MARCHF6: variants seen among roughly 807,000 people sequenced by gnomAD.
The protein encoded by MARCHF6 is membrane associated ring-CH-type finger 6, also known as E3 ubiquitin-protein ligase MARCHF6.
In MARCHF6, 31 loss-of-function variants were observed where a neutral mutation model predicts 133.7. The observed-to-expected ratio is 0.23, with a 90% CI of 0.17 to 0.31. MARCHF6 has a LOEUF of 0.31. Ranked by LOEUF, MARCHF6 falls within the 10% of genes least tolerant of loss-of-function variation. The probability of loss-of-function intolerance (pLI) is 1.00; values close to 1 mark genes in which losing one functional copy is unlikely to be tolerated. For synonymous variants in MARCHF6, 395 were observed against 402.5 expected (o/e 0.98, Z 0.22); for missense variants, 723 against 1,121.6 (o/e 0.64, Z 5.08).
At chr5:10,414,387 G>A (rs773854275) in intron 19 of MARCHF6, 46 bp from the exon 20 acceptor site, 7 of 1,031,334 alleles carry the variant, frequency 6.8e-6, no homozygotes, top group South Asian at 1.4e-5. Context: ...AAAATACATT[G>A]AGCACGTGTT....
chr5:10,362,000 T>G (rs1429136243), intron 1 of MARCHF6, among the ~76,000 whole-genome samples: 1 of 152,130 alleles, frequency 6.6e-6, no homozygotes, highest in East Asian at 1.9e-4. Flanking sequence ...TGACCTCAGG[T>G]GATCCGCCCA....
chr5:10,439,002 G>A lies in MARCHF6; in HGVS notation c.*5318G>A, dbSNP rs1464860311. 1.3e-5 allele frequency: 2 copies of A among 152,036 alleles called. No individual in the cohort carries two copies. The highest frequency in any genetic ancestry group is 2.1e-4 in the South Asian group (1 of 4,826). 9.4% of individuals were successfully genotyped at this position (152,036 alleles called of 1,614,324 possible). ...TTTTCTTCACATATGTAACAGTGCC[G>A]GAGTTTTTCTGCTTCTCTGTGTTTG... is the stretch of plus-strand genomic sequence containing the variant. On this transcript the variant is annotated 3_prime_UTR_variant, in exon 26 of 26. Coordinates refer to ENST00000274140, the MANE Select transcript of MARCHF6 (RefSeq NM_005885.4).
At chr5:10,410,091 T>C in intron 17 of MARCHF6, 48 bp from the exon 18 acceptor site, 3 of 1,588,628 alleles carry the variant, frequency 1.9e-6, no homozygotes, top group Non-Finnish European at 2.6e-6. Context: ...CATTAAATAG[T>C]AGTCATATGC....
At chr5:10,415,088 C>T (rs1430074864) in intron 20 of MARCHF6, among the ~76,000 whole-genome samples, 1 of 152,094 alleles carries the variant, frequency 6.6e-6, no homozygotes, top group Admixed American at 6.5e-5. Flanking sequence ...TGTAATGTTT[C>T]TACATATTAA....
intron 1 of MARCHF6, among the ~76,000 whole-genome samples, chr5:10,357,023 G>A (rs1735514373): frequency 6.6e-6 from 1 of 152,138 alleles, no homozygotes; most frequent in Non-Finnish European, 1.5e-5. Context: ...CATTCTTACT[G>A]TGTATATGTT....
chr5:10,383,579 A>T (rs752810628), intron 4 of MARCHF6, among the ~76,000 whole-genome samples: 1 of 152,204 alleles, frequency 6.6e-6, no homozygotes, highest in Non-Finnish European at 1.5e-5. Context: ...ATGTTTTTGA[A>T]CCTAAAATTC....
intron 4 of MARCHF6, among the ~76,000 whole-genome samples, chr5:10,382,349 C>T (rs767583332): frequency 1.3e-5 from 2 of 151,330 alleles, no homozygotes; most frequent in African/African-American, 2.4e-5. Context: ...TTGAGACTAG[C>T]CTGGCCAACA....
rs192350653 is a variant in MARCHF6, at chr5:10,392,518, A to T, written c.766+787A>T. 8.5e-5 allele frequency among the ~76,000 whole-genome samples: 13 copies of T among 152,292 alleles called. No individual in the cohort carries two copies. In the East Asian group the frequency reaches 2.5e-3, roughly 29 times the overall value. On this transcript the variant is annotated intron_variant, in intron 7 of 25. Transcript: ENST00000274140. ...TAGAATGTAAAATAAGATCCAAGAC[A>T]GGAGATGGGTAGATCACCTGAGGTC...
chr5:10,392,647 G>T (rs2126734870), intron 7 of MARCHF6, among the ~76,000 whole-genome samples: 1 of 152,170 alleles, frequency 6.6e-6, no homozygotes, highest in African/African-American at 2.4e-5. Context: ...CCATCTACTT[G>T]GGAGGCTGAG....
intron 17 of MARCHF6, among the ~76,000 whole-genome samples, chr5:10,407,503 C>T (rs906835674): frequency 3.3e-5 from 5 of 152,224 alleles, no homozygotes; most frequent in Admixed American, 1.3e-4. Flanking sequence ...TGCATTTGCA[C>T]ACCATTGAAA....
chr5:10,383,286 A>T lies in MARCHF6; in HGVS notation c.334+1343A>T, dbSNP rs376640311. On this transcript the variant is annotated intron_variant, in intron 4 of 25. Transcript: ENST00000274140. ...AATATTGACAAATGGAGGCTAGTCT[A>T]GTCTGTCTAGTAAGTAGTTCCACAA... 2.0e-4 allele frequency among the ~76,000 whole-genome samples: 31 copies of T among 152,306 alleles called. No individual in the cohort carries two copies. In the South Asian group the frequency reaches 6.4e-3, roughly 32 times the overall value.
intron 23 of MARCHF6, among the ~76,000 whole-genome samples, chr5:10,425,944 G>A (rs1429317948): frequency 1.3e-5 from 2 of 152,118 alleles, no homozygotes; most frequent in Non-Finnish European, 2.9e-5. Flanking sequence ...ATTTATGCAA[G>A]CTTTTCAGAA....
intron 1 of MARCHF6, among the ~76,000 whole-genome samples, chr5:10,370,805 A>G (rs1489935491): frequency 6.6e-6 from 1 of 152,176 alleles, no homozygotes; most frequent in Non-Finnish European, 1.5e-5. Context: ...TAATAAAACC[A>G]CTTTTTAATT....
rs1191320571 is a variant in MARCHF6 at position 10,405,550 on chromosome 5, A to G, written c.1333-8A>G. The G allele has an allele frequency of 6.3e-7, 1 of 1,588,236 alleles. No individual in the cohort carries two copies. Among genetic ancestry groups the G allele is most frequent in the Non-Finnish European group, 8.5e-7 (1 of 1,171,846 alleles). On this transcript the variant is annotated splice_region_variant and splice_polypyrimidine_tract_variant and intron_variant, in intron 15 of 25. Coordinates refer to ENST00000274140, the MANE Select transcript of MARCHF6 (RefSeq NM_005885.4). The stretch of plus-strand genomic sequence containing the variant: ...TGAATATTCATAGTATTTAAAATAT[A>G]TTTGCAGGTACTTCGACCTGGTGTC...
intron 24 of MARCHF6, among the ~76,000 whole-genome samples, chr5:10,427,535 A>G (rs1432726944): frequency 6.6e-6 from 1 of 152,144 alleles, no homozygotes; most frequent in African/African-American, 2.4e-5. Flanking sequence ...CAAACACACA[A>G]TGTCCTCTCC....
In MARCHF6 at chr5:10,373,684, C is replaced by G. The variant is rs141078933; in HGVS notation, c.20-4114C>G. ...GGCAGCGTCCCACGGGTGGGACACC[C>G]TTTGTCATGCTGTGGCTGCTATACC... is the stretch of plus-strand genomic sequence containing the variant. On this transcript the variant is annotated intron_variant, in intron 1 of 25. Coordinates refer to ENST00000274140, the MANE Select transcript of MARCHF6 (RefSeq NM_005885.4). 1.4e-3 allele frequency among the ~76,000 whole-genome samples: 219 copies of G among 152,274 alleles called. 1 individual carries two copies. The highest frequency in any genetic ancestry group is 2.5e-3 in the Non-Finnish European group (169 of 68,012).
At chr5:10,425,784 C>T (rs1337811080) in intron 23 of MARCHF6, among the ~76,000 whole-genome samples, 1 of 152,190 alleles carries the variant, frequency 6.6e-6, no homozygotes, top group Non-Finnish European at 1.5e-5. Context: ...TTCCCATTTC[C>T]ATCCATTCTT....
chr5:10,388,031 A>G (rs1737598011), intron 5 of MARCHF6, among the ~76,000 whole-genome samples: 1 of 152,190 alleles, frequency 6.6e-6, no homozygotes, highest in South Asian at 2.1e-4. Flanking sequence ...AATGTTTTCC[A>G]TGATTATTAG....
At position 10,377,903 on chromosome 5, in the gene MARCHF6, T is replaced by C. The variant is rs761100268; in HGVS notation, c.116+9T>C. ...TTTATCCATCAAGAATGGTAAGTCA[T>C]ACTTTTAGAAAGTTATGTAAGTCTG... is the stretch of plus-strand genomic sequence containing the variant. On this transcript the variant is annotated intron_variant, in intron 2 of 25. Coordinates refer to ENST00000274140, the MANE Select transcript of MARCHF6 (RefSeq NM_005885.4). 7 of 1,567,366 alleles carry C rather than the reference T, an allele frequency of 4.5e-6. No individual in the cohort carries two copies. Among genetic ancestry groups the C allele is most frequent in the Non-Finnish European group, 4.4e-6 (5 of 1,137,648 alleles).
Sources: allele counts gnomAD v4.1 joint callset (sites outside exome capture counted in the v4.1 genomes callset), GRCh38; gene constraint gnomAD v4.1.1; transcripts MANE v1.5; gene names NCBI Gene and HGNC (gene_info 2026-07-23, HGNC 2026-07-21).